The following TEX11 variants were observed in gnomAD, a reference collection of about 807,000 sequenced individuals.
TEX11 encodes testis expressed 11, also known as testis-expressed protein 11.
In TEX11, 7 loss-of-function variants were observed where a neutral mutation model predicts 84.4. That is an observed-to-expected ratio of 0.08 (90% CI 0.05 to 0.16). The LOEUF (loss-of-function observed/expected upper bound fraction) is 0.16, where lower values mean the gene tolerates loss of function less well. Ranked by LOEUF, TEX11 falls within the 10% of genes least tolerant of loss-of-function variation. The pLI is 1.00. For synonymous variants in TEX11, 264 were observed against 222.8 expected, an observed-to-expected ratio of 1.18 and a Z score of -1.64; for missense variants, 551 against 660.5, an observed-to-expected ratio of 0.83 and a Z score of 1.82.
intron 9 of TEX11, among the ~76,000 whole-genome samples, chrX:70,790,189 T>C (rs1051650070): frequency 1.8e-5 from 2 of 111,445 alleles, no homozygotes; most frequent in African/African-American, 6.5e-5. Flanking sequence ...AACAAGATGG[T>C]TCAAGACACA....
intron 8 of TEX11, among the ~76,000 whole-genome samples, chrX:70,816,225 A>T (rs1274404896): frequency 8.9e-6 from 1 of 112,066 alleles, no homozygotes; most frequent in South Asian, 3.7e-4. Flanking sequence ...AATAGTCTCC[A>T]ATAGGATTAG....
chrX:70,600,278 G>A (rs2089080368), intron 24 of TEX11, among the ~76,000 whole-genome samples: 1 of 111,790 alleles, frequency 8.9e-6, no homozygotes, highest in Non-Finnish European at 1.9e-5. Context: ...CAGTGATGAT[G>A]AACATTTTTT....
At chrX:70,567,609 T>C (rs2088509222) in intron 25 of TEX11, among the ~76,000 whole-genome samples, 1 of 111,646 alleles carries the variant, frequency 9.0e-6, no homozygotes, top group Admixed American at 9.6e-5. Context: ...GTTGTGTCTT[T>C]GTTCTCGTTG....
intron 25 of TEX11, among the ~76,000 whole-genome samples, chrX:70,570,413 C>T (rs1216954036): frequency 8.9e-6 from 1 of 112,150 alleles, no homozygotes; most frequent in African/African-American, 3.2e-5. Context: ...GCTGCACCCA[C>T]TGTCCTGCGC....
At position 70,558,900 on chromosome X, in the gene TEX11, A is replaced by G. The variant is rs748963820; in HGVS notation, c.2141-4100T>C. Among the ~76,000 whole-genome samples, 8 of 112,151 alleles carry G rather than the reference A, an allele frequency of 7.1e-5. No homozygotes were observed. The East Asian group carries it at 2.0e-3, about 27-fold the overall frequency. ...ATACATTCACTAGGATGGCTAGAATAAAAAAGGCAGGTAATACAAGTGTTG... is the reference window on the plus strand; with the variant it reads ...ATACATTCACTAGGATGGCTAGAATGAAAAAGGCAGGTAATACAAGTGTTG... On this transcript the variant is annotated intron_variant, in intron 25 of 29. Transcript: ENST00000374333.
intron 3 of TEX11, among the ~76,000 whole-genome samples, chrX:70,875,893 A>T (rs1386656780): frequency 8.9e-6 from 1 of 112,731 alleles, no homozygotes; most frequent in Admixed American, 9.4e-5. Flanking sequence ...AGTTGTACAT[A>T]TGCAAATCTT....
intron 9 of TEX11, among the ~76,000 whole-genome samples, chrX:70,798,734 T>G (rs976240247): frequency 9.0e-6 from 1 of 111,729 alleles, no homozygotes; most frequent in Non-Finnish European, 1.9e-5. Flanking sequence ...GAACATACAA[T>G]GGGGAAAAGA....
chrX:70,602,559 A>G (rs2089135893), intron 24 of TEX11, among the ~76,000 whole-genome samples: 1 of 107,055 alleles, frequency 9.3e-6, no homozygotes, highest in Admixed American at 1.0e-4. Flanking sequence ...TTTCAAAATA[A>G]TAAGAGCTAT....
chrX:70,712,386 G>A (rs1195211821), intron 13 of TEX11, among the ~76,000 whole-genome samples: 23 of 109,740 alleles, frequency 2.1e-4, no homozygotes, highest in South Asian at 1.1e-3. Context: ...TGGGCAGTAT[G>A]GCCATTTTCA....
At chrX:70,818,163 C>T (rs2091299738) in intron 8 of TEX11, among the ~76,000 whole-genome samples, 1 of 110,488 alleles carries the variant, frequency 9.1e-6, no homozygotes, top group Admixed American at 9.7e-5. Flanking sequence ...GTGACGCGCG[C>T]CTGGAATCCC....
At chrX:70,861,981 A>AAT (rs1225557002) in intron 4 of TEX11, among the ~76,000 whole-genome samples, 1 of 110,384 alleles carries the variant, frequency 9.1e-6, no homozygotes, top group Non-Finnish European at 1.9e-5. Context: ...AAACTTTCTA[A>AAT]ATATATATAT....
intron 16 of TEX11, among the ~76,000 whole-genome samples, chrX:70,664,922 A>G (rs2089965366): frequency 9.2e-6 from 1 of 108,399 alleles, no homozygotes; most frequent in Non-Finnish European, 1.9e-5. Context: ...CCACAGTGCC[A>G]TCTAGTGAAT....
intron 24 of TEX11, among the ~76,000 whole-genome samples, chrX:70,603,717 TA>T: frequency 9.0e-6 from 1 of 110,883 alleles, no homozygotes; most frequent in South Asian, 3.9e-4. Flanking sequence ...CTAATTAAAC[TA>T]AAGAGCTTCT....
At chrX:70,683,918 T>C (rs2090166713) in intron 13 of TEX11, among the ~76,000 whole-genome samples, 1 of 111,667 alleles carries the variant, frequency 9.0e-6, no homozygotes, top group Non-Finnish European at 1.9e-5. Flanking sequence ...CAGGACCATT[T>C]AATGGTGATA....
chrX:70,530,619 A>T (rs1369187951), intron 28 of TEX11, among the ~76,000 whole-genome samples: 4 of 111,980 alleles, frequency 3.6e-5, no homozygotes, highest in African/African-American at 1.3e-4. Context: ...TGGTTCTTGC[A>T]TAGGAGATGG....
chrX:70,563,949 C>A (rs1298746167), intron 25 of TEX11, among the ~76,000 whole-genome samples: 1 of 112,186 alleles, frequency 8.9e-6, no homozygotes, highest in African/African-American at 3.2e-5. Context: ...TGGCCTGATG[C>A]CGGGTGTGGT....
At chrX:70,565,558 T>A (rs1294910886) in intron 25 of TEX11, among the ~76,000 whole-genome samples, 1 of 111,546 alleles carries the variant, frequency 9.0e-6, no homozygotes, top group Non-Finnish European at 1.9e-5. Context: ...AAGTCTTTAA[T>A]CCATCGTGAA....
In TEX11 at chrX:70,566,529, T is replaced by A. The variant is rs750864053; in HGVS notation, c.2141-11729A>T. Among the ~76,000 whole-genome samples, 188 of 111,359 alleles carry A rather than the reference T, an allele frequency of 1.7e-3. 1 individual carries two copies. Among genetic ancestry groups the A allele is most frequent in the African/African-American group, 5.7e-3 (174 of 30,649 alleles). On this transcript the variant is annotated intron_variant, in intron 25 of 29. Coordinates refer to ENST00000374333, the MANE Select transcript of TEX11 (RefSeq NM_031276.3). ...CGTTTTTGCCCATTCAGTATGATAT[T>A]GGCTGTGGGTTTGTCATAGATAGCT... is the stretch of plus-strand genomic sequence containing the variant.
intron 28 of TEX11, among the ~76,000 whole-genome samples, chrX:70,532,552 A>G (rs952002920): frequency 1.8e-4 from 20 of 110,367 alleles, no homozygotes; most frequent in Admixed American, 1.5e-3. Flanking sequence ...CCTGACCAAC[A>G]TGGAGAAACC....
Sources: gnomAD v4.1 joint callset for allele counts (sites outside exome capture counted in the v4.1 genomes callset) on GRCh38, gnomAD v4.1.1 for gene constraint, MANE v1.5 for transcripts, NCBI Gene and HGNC (gene_info 2026-07-23, HGNC 2026-07-21) for gene names.